The following CTNND2 variants were observed in gnomAD, a reference collection of about 807,000 sequenced individuals.
The protein encoded by CTNND2 is catenin delta 2, also known as catenin delta-2.
Under a neutral mutation model 144.4 loss-of-function variants are expected in CTNND2, and 22 were observed. That is an observed-to-expected ratio of 0.15 (90% CI 0.11 to 0.22). The LOEUF (loss-of-function observed/expected upper bound fraction) is 0.22, where lower values mean the gene tolerates loss of function less well. Ranked by LOEUF, CTNND2 falls within the 10% of genes least tolerant of loss-of-function variation. The pLI is 1.00. For synonymous variants in CTNND2, 751 were observed against 695.6 expected (o/e 1.08, Z -1.25); for missense variants, 1,353 against 1,618.8 (o/e 0.84, Z 2.82).
intron 1 of CTNND2, among the ~76,000 whole-genome samples, chr5:11,765,995 T>C (rs1252050000): frequency 6.6e-6 from 1 of 152,184 alleles, no homozygotes; most frequent in African/African-American, 2.4e-5. Flanking sequence ...ATACATGCCA[T>C]GAAACTAGCA....
intron 3 of CTNND2, among the ~76,000 whole-genome samples, chr5:11,417,657 T>A (rs1315243338): frequency 1.3e-5 from 2 of 152,084 alleles, no homozygotes; most frequent in Non-Finnish European, 2.9e-5. Flanking sequence ...ATATTAAGTG[T>A]GGGGGAAGAA....
At chr5:11,864,879 CTTCCTTTT>C (rs1254990486) in intron 1 of CTNND2, among the ~76,000 whole-genome samples, 3 of 124,002 alleles carry the variant, frequency 2.4e-5, no homozygotes, top group African/African-American at 9.2e-5. Flanking sequence ...TGTTCTTCTT[CTTCCTTTT>C]TTTTTTTTTT....
chr5:11,614,479 A>T (rs1363276580), intron 2 of CTNND2, among the ~76,000 whole-genome samples: 3 of 152,228 alleles, frequency 2.0e-5, no homozygotes, highest in Non-Finnish European at 4.4e-5. Flanking sequence ...TTAGACAACC[A>T]TTTTGGAAAA....
chr5:11,694,438 A>C (rs934480552), intron 2 of CTNND2, among the ~76,000 whole-genome samples: 8 of 152,014 alleles, frequency 5.3e-5, no homozygotes, highest in Admixed American at 3.3e-4. Context: ...AAAAAAAAAA[A>C]AGAAAAAAAG....
chr5:11,818,100 C>T (rs1028806911), intron 1 of CTNND2, among the ~76,000 whole-genome samples: 4 of 142,632 alleles, frequency 2.8e-5, no homozygotes, highest in African/African-American at 1.0e-4. Flanking sequence ...CACATGCTTA[C>T]TAATACGACA....
intron 12 of CTNND2, among the ~76,000 whole-genome samples, chr5:11,140,592 C>A (rs545893656): frequency 3.9e-5 from 6 of 152,236 alleles, no homozygotes; most frequent in African/African-American, 1.2e-4. Flanking sequence ...ACCAATGCTA[C>A]CAGTTCCTAC....
At chr5:11,026,869 T>C (rs1322577986) in intron 16 of CTNND2, among the ~76,000 whole-genome samples, 1 of 151,946 alleles carries the variant, frequency 6.6e-6, no homozygotes, top group Non-Finnish European at 1.5e-5. Context: ...CCCAGGGAAA[T>C]GTTGAGGTAA....
intron 1 of CTNND2, among the ~76,000 whole-genome samples, chr5:11,827,729 C>T (rs1238547384): frequency 6.6e-6 from 1 of 152,154 alleles, no homozygotes; most frequent in Non-Finnish European, 1.5e-5. Context: ...ATCTAAATCT[C>T]ACTCAAGGGG....
At chr5:11,258,403 C>T (rs961821264) in intron 9 of CTNND2, among the ~76,000 whole-genome samples, 1 of 152,198 alleles carries the variant, frequency 6.6e-6, no homozygotes, top group African/African-American at 2.4e-5. Flanking sequence ...CACTCATCAA[C>T]ATTGCTATTA....
intron 3 of CTNND2, among the ~76,000 whole-genome samples, chr5:11,497,882 G>A (rs190717069): frequency 1.3e-5 from 2 of 152,238 alleles, no homozygotes; most frequent in East Asian, 3.9e-4. Flanking sequence ...GACTTTGCCA[G>A]GTAATGTGAT....
chr5:11,378,692 C>G (rs1025303128), intron 7 of CTNND2, among the ~76,000 whole-genome samples: 1 of 152,158 alleles, frequency 6.6e-6, no homozygotes, highest in African/African-American at 2.4e-5. Flanking sequence ...GAGCTGTGGC[C>G]TAAACAAACT....
chr5:11,222,543 C>T (rs545968248), intron 10 of CTNND2, among the ~76,000 whole-genome samples: 16 of 152,286 alleles, frequency 1.1e-4, no homozygotes, highest in East Asian at 5.8e-4. Flanking sequence ...TGTTGGCTCA[C>T]GCCTGTATTC....
chr5:11,166,564 T>A (rs1014514535), intron 11 of CTNND2, among the ~76,000 whole-genome samples: 1 of 151,926 alleles, frequency 6.6e-6, no homozygotes, highest in South Asian at 2.1e-4. Flanking sequence ...GTTCATTTTT[T>A]AAAAAAACCA....
chr5:11,186,097 T>G (rs916170943), intron 11 of CTNND2, among the ~76,000 whole-genome samples: 6 of 152,260 alleles, frequency 3.9e-5, no homozygotes, highest in African/African-American at 2.4e-5. Flanking sequence ...AATTTTGGCA[T>G]GCTCTGAAAT....
intron 9 of CTNND2, among the ~76,000 whole-genome samples, chr5:11,298,124 A>C (rs1167585465): frequency 4.6e-5 from 7 of 152,172 alleles, no homozygotes; most frequent in Non-Finnish European, 7.4e-5. Flanking sequence ...AAACGATGAC[A>C]ATTTTTAAGT....
chr5:11,774,255 G>A (rs987851558), intron 1 of CTNND2, among the ~76,000 whole-genome samples: 9 of 151,770 alleles, frequency 5.9e-5, no homozygotes, highest in African/African-American at 1.7e-4. Context: ...GATGATTTCC[G>A]ATTTCATCCA....
chr5:11,497,524 G>T (rs895132466), intron 3 of CTNND2, among the ~76,000 whole-genome samples: 1 of 83,074 alleles, frequency 1.2e-5, no homozygotes, highest in Non-Finnish European at 2.4e-5. Context: ...GGGGGTGGGG[G>T]GGGGCAATAT....
chr5:11,484,170 C>T (rs1246622921), intron 3 of CTNND2, among the ~76,000 whole-genome samples: 1 of 152,178 alleles, frequency 6.6e-6, no homozygotes, highest in East Asian at 1.9e-4. Context: ...AGCTGTTCTC[C>T]AGGACCTGTC....
At chr5:11,077,111 C>T (rs868812679) in intron 16 of CTNND2, among the ~76,000 whole-genome samples, 2 of 152,054 alleles carry the variant, frequency 1.3e-5, no homozygotes, top group Non-Finnish European at 2.9e-5. Flanking sequence ...AGGAAATATT[C>T]GGTTCAGTCA....
Sources: gnomAD v4.1 joint callset for allele counts (sites outside exome capture counted in the v4.1 genomes callset) on GRCh38, gnomAD v4.1.1 for gene constraint, MANE v1.5 for transcripts, NCBI Gene and HGNC (gene_info 2026-07-23, HGNC 2026-07-21) for gene names.